The following L3HYPDH variants were observed in gnomAD, a reference collection of about 807,000 sequenced individuals.
The protein encoded by L3HYPDH is trans-L-3-hydroxyproline dehydratase, also known as trans-3-hydroxy-L-proline dehydratase.
L3HYPDH carries 32 observed loss-of-function variants against 26.5 expected under a neutral mutation model. That is an observed-to-expected ratio of 1.21 (90% CI 0.91 to 1.62). The LOEUF (loss-of-function observed/expected upper bound fraction) is 1.62. L3HYPDH is among the 40% of genes most tolerant of loss of function. L3HYPDH has a pLI of 0.00. For missense variants in L3HYPDH, 554 were observed against 476.4 expected (o/e 1.16, Z -1.52); for synonymous variants, 215 against 196.6 (o/e 1.09, Z -0.78).
intron 1 of L3HYPDH, among the ~76,000 whole-genome samples, chr14:59,480,201 A>G (rs1352432719): frequency 6.6e-6 from 1 of 152,228 alleles, no homozygotes; most frequent in Non-Finnish European, 1.5e-5. Flanking sequence ...ATCTGTTGGC[A>G]AAGGAGTGTC....
At chr14:59,485,037 A>T, upstream of L3HYPDH, 1 of 1,598,190 alleles carries the variant, frequency 6.3e-7, no homozygotes, top group Non-Finnish European at 8.5e-7. Context: ...AAAAAATGGA[A>T]TCTTAAAACT....
chr14:59,487,255 T>G (rs10149486), upstream of L3HYPDH: 60,053 of 154,522 alleles, frequency 0.39, 12,432 homozygotes, highest in African/African-American at 0.52. Flanking sequence ...ATTAATATAG[T>G]CATTGTTCAT....
chr14:59,498,515 T>C, the L3HYPDH span, among the ~76,000 whole-genome samples: 39 of 152,316 alleles, frequency 2.6e-4, no homozygotes, highest in Middle Eastern at 0.014. Context: ...TTTTGGTACA[T>C]ATTTCCAGAC....
intron 1 of L3HYPDH, among the ~76,000 whole-genome samples, chr14:59,483,001 C>G (rs1294166394): frequency 6.6e-6 from 1 of 152,200 alleles, no homozygotes; most frequent in East Asian, 1.9e-4. Context: ...TAGAGATGCC[C>G]TGCTTTACAT....
At chr14:59,478,570 G>A (rs997803320) in intron 2 of L3HYPDH, among the ~76,000 whole-genome samples, 1 of 152,184 alleles carries the variant, frequency 6.6e-6, no homozygotes, top group South Asian at 2.1e-4. Context: ...GGGTGACAGA[G>A]CAAGACCCTG....
Position 59,484,054 on chromosome 14 carries a change from G to A in L3HYPDH, c.263C>T (p.Ala88Val). 2 of 1,606,778 alleles carry A rather than the reference G, an allele frequency of 1.2e-6. No homozygotes were observed. The highest frequency in any genetic ancestry group is 1.7e-6 in the Non-Finnish European group (2 of 1,179,550). The change falls in exon 1 of 5, where the codon GCG (alanine) becomes GTG (valine). Residue 88 changes from alanine to valine, a missense_variant. By Grantham distance (64) the Ala-to-Val change is moderately conservative. Transcript: ENST00000247194. ...AVLVPSELPD[A>V]HLGVLFLHNE... ...GTGCAGGAACAGGACGCCCAGATGC[G>A]CGTCCGGCAGCTCGCTCGGGACTAG...
chr14:59,492,797 ATTTT>A, the L3HYPDH span, among the ~76,000 whole-genome samples: 1 of 131,970 alleles, frequency 7.6e-6, no homozygotes. Flanking sequence ...GAGAGCTGCT[ATTTT>A]TTTTTTTTTT....
At chr14:59,474,471 G>C (rs1317319074) in intron 4 of L3HYPDH, 1 of 695,906 alleles carries the variant, frequency 1.4e-6, no homozygotes. Flanking sequence ...TTGGTCTCTC[G>C]GCTCCCTCTC....
At chr14:59,483,372 A>C (rs1335867205) in intron 1 of L3HYPDH, 3 of 293,910 alleles carry the variant, frequency 1.0e-5, no homozygotes, top group African/African-American at 6.8e-5. Context: ...AGGTGAGGAA[A>C]GGAGACCAGG....
Position 59,483,995 on chromosome 14 carries a change from C to T in L3HYPDH, c.322G>A (p.Val108Met). 3.8e-6 allele frequency: 6 copies of T among 1,593,580 alleles called. No individual in the cohort carries two copies. Among genetic ancestry groups the T allele is most frequent in the South Asian group, 1.1e-5 (1 of 89,416 alleles). Residue 108 changes from valine to methionine, a missense_variant, in exon 1 of 5, where the codon GTG becomes ATG. Val to Met is a conservative substitution (Grantham distance 21, BLOSUM62 1). Coordinates refer to ENST00000247194, the MANE Select transcript of L3HYPDH (RefSeq NM_144581.2). ...AAAGCGAAGCGGCCCAGCGCCAGCA[C>T]TGCGTGGCCGCACATGGAGCTGTAG... is the stretch of plus-strand genomic sequence containing the variant. ...EGYSSMCGHA[V>M]LALGRFALDF...
the L3HYPDH span, among the ~76,000 whole-genome samples, chr14:59,502,773 T>TTG: frequency 0.14 from 14,525 of 102,554 alleles, 1,908 homozygotes; most frequent in South Asian, 0.23. Flanking sequence ...TTTTTTTTTT[T>TTG]CGGAGTCTCA....
At chr14:59,498,090 A>C in the L3HYPDH span, among the ~76,000 whole-genome samples, 1 of 152,222 alleles carries the variant, frequency 6.6e-6, no homozygotes, top group Admixed American at 6.5e-5. Context: ...AAAACAGAAT[A>C]AAAGCACACA....
the L3HYPDH span, among the ~76,000 whole-genome samples, chr14:59,501,534 A>G: frequency 3.9e-3 from 598 of 152,324 alleles, 3 homozygotes; most frequent in African/African-American, 0.013. Context: ...TAATTTTCCC[A>G]TGTAGCAAAC....
upstream of L3HYPDH, chr14:59,486,857 A>T: frequency 8.3e-7 from 1 of 1,205,010 alleles, no homozygotes; most frequent in Non-Finnish European, 1.2e-6. Context: ...TTTGCTTTTG[A>T]AATATTTTCA....
chr14:59,494,980 C>G, the L3HYPDH span: 3 of 1,457,806 alleles, frequency 2.1e-6, no homozygotes, highest in African/African-American at 1.4e-5. Flanking sequence ...TTAAATATTG[C>G]AATTTTTCTA....
chr14:59,484,642 C>T (rs1220887126), upstream of L3HYPDH: 1 of 1,565,782 alleles, frequency 6.4e-7, no homozygotes, highest in Non-Finnish European at 8.7e-7. Flanking sequence ...GTCCCGACTA[C>T]TTTCCTACAC....
At chr14:59,465,581 G>C (rs1472900939) in intron 1 of L3HYPDH, among the ~76,000 whole-genome samples, 1 of 152,238 alleles carries the variant, frequency 6.6e-6, no homozygotes, top group Admixed American at 6.5e-5. Flanking sequence ...CGACTGGCAT[G>C]CAAACAAATG....
the L3HYPDH span, among the ~76,000 whole-genome samples, chr14:59,502,773 T>TTTTTTTTTTTTTTTTTTTTTTG: frequency 2.4e-4 from 25 of 102,842 alleles, 1 homozygote; most frequent in Non-Finnish European, 3.3e-4. Context: ...TTTTTTTTTT[T>TTTTTTTTTTTTTTTTTTTTTTG]CGGAGTCTCA....
chr14:59,470,940 G>A (rs1881891333), downstream of L3HYPDH, among the ~76,000 whole-genome samples: 1 of 130,848 alleles, frequency 7.6e-6, no homozygotes, highest in South Asian at 2.7e-4. Context: ...GAACCAGTGT[G>A]GGGGTGGCTG....
Sources: gnomAD v4.1 joint callset for allele counts (sites outside exome capture counted in the v4.1 genomes callset) on GRCh38, gnomAD v4.1.1 for gene constraint, MANE v1.5 for transcripts, NCBI Gene and HGNC (gene_info 2026-07-23, HGNC 2026-07-21) for gene names.